The following TENM4 variants were observed in gnomAD, a reference collection of about 807,000 sequenced individuals.
TENM4 encodes teneurin transmembrane protein 4.
Under a neutral mutation model 243.3 loss-of-function variants are expected in TENM4, and 82 were observed. The observed-to-expected ratio is 0.34, with a 90% CI of 0.28 to 0.40. The LOEUF (loss-of-function observed/expected upper bound fraction) is 0.40, where lower values mean the gene tolerates loss of function less well. Among genes scored for constraint, TENM4 ranks in the 10% least tolerant of loss-of-function variants. The probability of loss-of-function intolerance (pLI) is 1.00; values close to 1 mark genes in which losing one functional copy is unlikely to be tolerated. For synonymous variants in TENM4, 1,412 were observed against 1,456.3 expected (o/e 0.97, Z 0.69); for missense variants, 3,138 against 3,673.3 (o/e 0.85, Z 3.77).
In TENM4 at chr11:79,156,874, G is replaced by T. The variant is rs565006930; in HGVS notation, c.-162-8068C>A. On this transcript the variant is annotated intron_variant, in intron 3 of 33. Coordinates refer to ENST00000278550, the MANE Select transcript of TENM4 (RefSeq NM_001098816.3). The stretch of plus-strand genomic sequence containing the variant: ...ATGCCCCCAAGTAACTTTGAGTCTG[G>T]TGAGACAGCAGACAACATAAGCATT... Among the ~76,000 whole-genome samples the T allele has an allele frequency of 4.9e-4, 74 of 152,184 alleles. 2 individuals are homozygous for T. The highest frequency in any genetic ancestry group is 8.5e-4 in the Non-Finnish European group (58 of 68,038).
chr11:78,704,992 G>A (rs1176190473), intron 27 of TENM4, among the ~76,000 whole-genome samples: 3 of 152,224 alleles, frequency 2.0e-5, no homozygotes, highest in African/African-American at 4.8e-5. Flanking sequence ...GAGCCAGGGA[G>A]CCTGCAAACT....
At chr11:78,895,838 C>T (rs953989550) in intron 7 of TENM4, among the ~76,000 whole-genome samples, 1 of 152,222 alleles carries the variant, frequency 6.6e-6, no homozygotes, top group Non-Finnish European at 1.5e-5. Flanking sequence ...TAAACCAGAT[C>T]TCTCTGACCT....
chr11:78,786,985 A>C lies in TENM4; in HGVS notation c.2278T>G (p.Cys760Gly). 1 of 1,581,736 alleles carries C rather than the reference A, an allele frequency of 6.3e-7. No individual in the cohort carries two copies. The highest frequency in any genetic ancestry group is 8.6e-7 in the Non-Finnish European group (1 of 1,164,110). ...CCATGCTCGGCACAGCGCGGGTGGCAGGCCCGCTGGTCGCAGGCTGCCCCC... is the reference window on the plus strand; with the variant it reads ...CCATGCTCGGCACAGCGCGGGTGGCCGGCCCGCTGGTCGCAGGCTGCCCCC... ...WMGAACDQRA[C>G]HPRCAEHGTC... Residue 760 changes from cysteine to glycine, a missense_variant, in exon 16 of 34, where the codon TGC (cysteine) becomes GGC (glycine). Physicochemically the swap from Cys to Gly is radical, Grantham distance 159. Coordinates refer to ENST00000278550, the MANE Select transcript of TENM4 (RefSeq NM_001098816.3).
At chr11:79,418,657 C>T (rs1002386617) in intron 1 of TENM4, among the ~76,000 whole-genome samples, 22 of 152,246 alleles carry the variant, frequency 1.4e-4, no homozygotes, top group Admixed American at 1.1e-3. Flanking sequence ...CCCTGGTGAA[C>T]TCTGATGACC....
intron 27 of TENM4, among the ~76,000 whole-genome samples, chr11:78,704,002 C>A (rs963800160): frequency 7.1e-6 from 1 of 140,162 alleles, no homozygotes; most frequent in Admixed American, 7.3e-5. Context: ...CAGGCATGTG[C>A]CACCACACAC....
intron 1 of TENM4, among the ~76,000 whole-genome samples, chr11:79,410,725 G>T (rs1274969285): frequency 6.6e-6 from 1 of 152,200 alleles, no homozygotes; most frequent in Non-Finnish European, 1.5e-5. Flanking sequence ...AGTATTGCCT[G>T]CCTGATGGGT....
At chr11:79,169,775 A>G (rs1862997915) in intron 3 of TENM4, among the ~76,000 whole-genome samples, 2 of 152,230 alleles carry the variant, frequency 1.3e-5, no homozygotes, top group Admixed American at 1.3e-4. Flanking sequence ...ACAGGTTGAA[A>G]AGCCAAACAG....
intron 2 of TENM4, among the ~76,000 whole-genome samples, chr11:79,264,071 G>GA (rs1855842330): frequency 6.6e-6 from 1 of 152,158 alleles, no homozygotes; most frequent in Admixed American, 6.5e-5. Flanking sequence ...TGTGTAATGA[G>GA]AAAAAAGAGA....
intron 2 of TENM4, among the ~76,000 whole-genome samples, chr11:79,253,497 G>A (rs1023663357): frequency 3.3e-5 from 5 of 152,166 alleles, no homozygotes; most frequent in African/African-American, 1.2e-4. Context: ...ACCTCCGGAG[G>A]CTCACAATAG....
In TENM4 at chr11:79,121,496, C is replaced by G. The variant is rs190746239; in HGVS notation, c.-66+27214G>C. Among the ~76,000 whole-genome samples the G allele has an allele frequency of 2.0e-5, 3 of 152,310 alleles. No individual in the cohort carries two copies. The East Asian group carries it at 5.8e-4, about 29-fold the overall frequency. On this transcript the variant is annotated intron_variant, in intron 4 of 33. Transcript: ENST00000278550. Reference sequence around the variant, plus strand: ...AGACTCTGGGTTCCCAGCCAAGTAGCTTTATTTTAGGCATAAAGGACCATG... The same window carrying G: ...AGACTCTGGGTTCCCAGCCAAGTAGGTTTATTTTAGGCATAAAGGACCATG...
chr11:79,131,689 C>T (rs535277164), intron 4 of TENM4, among the ~76,000 whole-genome samples: 7 of 152,308 alleles, frequency 4.6e-5, no homozygotes, highest in Admixed American at 1.3e-4. Flanking sequence ...TGCTGTCTCA[C>T]ATCTCAATAC....
At chr11:79,108,103 T>C (rs1172704079) in intron 4 of TENM4, among the ~76,000 whole-genome samples, 1 of 152,216 alleles carries the variant, frequency 6.6e-6, no homozygotes, top group Non-Finnish European at 1.5e-5. Flanking sequence ...AAAATGATAA[T>C]GGGAGGAACT....
chr11:79,203,157 A>G (rs1319085398), intron 3 of TENM4, among the ~76,000 whole-genome samples: 1 of 152,196 alleles, frequency 6.6e-6, no homozygotes, highest in East Asian at 1.9e-4. Context: ...AGAAACTGGA[A>G]CCCTTATACA....
intron 3 of TENM4, among the ~76,000 whole-genome samples, chr11:79,198,356 C>T (rs1863675103): frequency 6.6e-6 from 1 of 152,152 alleles, no homozygotes; most frequent in Non-Finnish European, 1.5e-5. Context: ...GCTCAGGCAC[C>T]ACCCACAGAA....
At chr11:79,305,286 C>G (rs529193559) in intron 1 of TENM4, among the ~76,000 whole-genome samples, 1 of 152,338 alleles carries the variant, frequency 6.6e-6, no homozygotes, top group South Asian at 2.1e-4. Flanking sequence ...CCTTTCAGAG[C>G]TGATGTGAGA....
At chr11:79,278,169 C>T (rs964334128) in intron 2 of TENM4, among the ~76,000 whole-genome samples, 3 of 152,142 alleles carry the variant, frequency 2.0e-5, no homozygotes, top group Non-Finnish European at 4.4e-5. Context: ...CATTCCATTG[C>T]TTATTTTCCC....
At chr11:78,858,609 A>G (rs1858736909) in intron 10 of TENM4, among the ~76,000 whole-genome samples, 1 of 152,166 alleles carries the variant, frequency 6.6e-6, no homozygotes, top group African/African-American at 2.4e-5. Context: ...TTATTGCCTT[A>G]CACTTTCTAG....
chr11:79,258,467 A>G (rs750504045), intron 2 of TENM4, among the ~76,000 whole-genome samples: 16 of 152,096 alleles, frequency 1.1e-4, no homozygotes, highest in Non-Finnish European at 1.9e-4. Flanking sequence ...ACTCTATACA[A>G]CTTCTCATCC....
At chr11:79,304,250 C>T (rs1468418850) in intron 1 of TENM4, among the ~76,000 whole-genome samples, 2 of 152,138 alleles carry the variant, frequency 1.3e-5, no homozygotes, top group Admixed American at 6.5e-5. Flanking sequence ...TCTGCTCTCC[C>T]TGCTCACAAA....
Sources: gnomAD v4.1 joint callset for allele counts (sites outside exome capture counted in the v4.1 genomes callset) on GRCh38, gnomAD v4.1.1 for gene constraint, MANE v1.5 for transcripts, NCBI Gene and HGNC (gene_info 2026-07-23, HGNC 2026-07-21) for gene names.